Variants in PKHD1L1 observed in about 807,000 individuals in gnomAD.
PKHD1L1 encodes fibrocystin-L.
In PKHD1L1, 434 loss-of-function variants were observed where a neutral mutation model predicts 462.9. The observed-to-expected ratio is 0.94, with a 90% CI of 0.87 to 1.02. PKHD1L1 has a LOEUF of 1.02. Among genes scored for constraint, PKHD1L1 ranks in the 50% least tolerant of loss-of-function variants. The pLI is 0.00. For synonymous variants in PKHD1L1, 1,781 were observed against 1,750.0 expected, an observed-to-expected ratio of 1.02 and a Z score of -0.44; for missense variants, 5,202 against 5,096.1, an observed-to-expected ratio of 1.02 and a Z score of -0.63.
At chr8:109,423,149 C>T (rs549983725) in intron 23 of PKHD1L1, among the ~76,000 whole-genome samples, 1 of 152,148 alleles carries the variant, frequency 6.6e-6, no homozygotes, top group East Asian at 1.9e-4. Flanking sequence ...TTTTATGAGG[C>T]CAAATTTATC....
chr8:109,501,514 C>T (rs751576112), intron 67 of PKHD1L1, among the ~76,000 whole-genome samples: 5 of 152,084 alleles, frequency 3.3e-5, no homozygotes, highest in Non-Finnish European at 5.9e-5. Context: ...AATCTGATGT[C>T]GCCAACTTTA....
At chr8:109,455,555 A>G (rs1251749918) in intron 45 of PKHD1L1, among the ~76,000 whole-genome samples, 1 of 152,178 alleles carries the variant, frequency 6.6e-6, no homozygotes, top group Non-Finnish European at 1.5e-5. Context: ...GACTAAGTCT[A>G]GAAACAGAAG....
intron 77 of PKHD1L1, among the ~76,000 whole-genome samples, chr8:109,527,915 C>A (rs1586673149): frequency 6.6e-6 from 1 of 152,176 alleles, no homozygotes; most frequent in East Asian, 1.9e-4. Flanking sequence ...GGGTCACATG[C>A]CCATTCCTGA....
At position 109,479,991 on chromosome 8, in the gene PKHD1L1, G is replaced by A. The variant is rs1162755036; in HGVS notation, c.9179G>A (p.Gly3060Glu). Reference protein sequence around the residue: ...HPGANVIIPEGTWIVADIDMP... With the variant: ...HPGANVIIPEETWIVADIDMP... ...TATTTCTTAAAGTATTGTTTTATAG[G>A]AACATGGATTGTAGCTGACATAGAT... is the stretch of plus-strand genomic sequence containing the variant. The change falls in exon 55 of 78, where the codon GGA (glycine) becomes GAA (glutamate). Residue 3060 changes from glycine (G) to glutamate (E), a missense_variant and splice_region_variant. By Grantham distance (98) the Gly-to-Glu change is moderately conservative. Transcript: ENST00000378402. 1.3e-6 allele frequency: 2 copies of A among 1,567,210 alleles called. No individual in the cohort carries two copies. The highest frequency in any genetic ancestry group is 8.6e-7 in the Non-Finnish European group (1 of 1,163,468).
chr8:109,464,524 C>T lies in PKHD1L1; in HGVS notation c.7692C>T (p.Val2564=), dbSNP rs372778300. 47 of 1,613,632 alleles carry T rather than the reference C, an allele frequency of 2.9e-5. No homozygotes were observed. The African/African-American group carries it at 6.1e-4, about 21-fold the overall frequency. The change falls in exon 49 of 78, where the codon GTC becomes GTT. Residue 2564 remains valine (V), a synonymous_variant. Transcript: ENST00000378402. The part of the protein sequence containing the change: ...NDDVTPAAFW[V]TNPNNTIRHN... ...ATGTGACCCCGGCTGCATTTTGGGT[C>T]ACCAACCCGAACAATACCATACGAC...
Position 109,419,143 on chromosome 8 carries a change from T to TACACTGGGAC in PKHD1L1, c.2409_2418dup (p.Asn807HisfsTer11). 1 of 1,613,636 alleles carries TACACTGGGAC rather than the reference T, an allele frequency of 6.2e-7. No individual in the cohort carries two copies. The highest frequency in any genetic ancestry group is 8.5e-7 in the Non-Finnish European group (1 of 1,179,636). On this transcript the variant is annotated frameshift_variant, in exon 22 of 78. Coordinates refer to ENST00000378402, the MANE Select transcript of PKHD1L1 (RefSeq NM_177531.6). LOFTEE classifies it high-confidence loss of function. ...CCTTCTGGATCTCGTAAGAACGAAA[T>TACACTGGGAC]ACACTGGGACAAATGTTTCTCTTCA... is the stretch of plus-strand genomic sequence containing the variant.
chr8:109,486,968 C>G, intron 59 of PKHD1L1, 147 bp downstream of exon 59: 1 of 759,786 alleles, frequency 1.3e-6, no homozygotes, highest in South Asian at 2.3e-5. Context: ...CAGTTTTTAC[C>G]TTCCAAGTAA....
Position 109,468,822 on chromosome 8 carries a change from G to A in PKHD1L1, c.8605+2053G>A, listed in dbSNP as rs527496787. On this transcript the variant is annotated intron_variant, in intron 50 of 77. Coordinates refer to ENST00000378402, the MANE Select transcript of PKHD1L1 (RefSeq NM_177531.6). ...TTATTTTTCTTTCCTTAGTATAATC[G>A]GCCACATATCTCTTTCACTCAGTGG... Among the ~76,000 whole-genome samples the A allele has an allele frequency of 9.2e-5, 14 of 152,192 alleles. No homozygotes were observed. The South Asian group carries it at 1.7e-3, about 18-fold the overall frequency.
intron 46 of PKHD1L1, among the ~76,000 whole-genome samples, chr8:109,457,812 ACTTC>A: frequency 6.6e-6 from 1 of 152,326 alleles, no homozygotes; most frequent in East Asian, 1.9e-4. Context: ...GCTTTTCACA[ACTTC>A]TTTTCTAAAG....
intron 46 of PKHD1L1, among the ~76,000 whole-genome samples, chr8:109,456,881 TAATG>T (rs1816855888): frequency 6.6e-6 from 1 of 152,154 alleles, no homozygotes; most frequent in African/African-American, 2.4e-5. Flanking sequence ...AAATCGTTAA[TAATG>T]AATAAATAAA....
At chr8:109,394,565 G>A (rs1812873953) in intron 10 of PKHD1L1, 80 bp downstream of exon 10, 4 of 922,526 alleles carry the variant, frequency 4.3e-6, no homozygotes, top group African/African-American at 3.4e-5. Flanking sequence ...CAAAGACAAT[G>A]AGTGTAAGGT....
At chr8:109,451,391 G>A (rs1440232546) in intron 41 of PKHD1L1, among the ~76,000 whole-genome samples, 1 of 152,068 alleles carries the variant, frequency 6.6e-6, no homozygotes, top group African/African-American at 2.4e-5. Context: ...TTTTTACCTC[G>A]TTTTATGGTT....
chr8:109,525,539 G>A (rs1307106463), intron 76 of PKHD1L1, among the ~76,000 whole-genome samples: 3 of 152,136 alleles, frequency 2.0e-5, no homozygotes, highest in East Asian at 3.9e-4. Flanking sequence ...AGCTAGAGCT[G>A]GCTAAGATGG....
At chr8:109,455,227 A>G (rs2130799734) in intron 45 of PKHD1L1, among the ~76,000 whole-genome samples, 1 of 152,310 alleles carries the variant, frequency 6.6e-6, no homozygotes, top group Non-Finnish European at 1.5e-5. Flanking sequence ...AAGCCCAGCT[A>G]CTTAGGAGGC....
At chr8:109,467,380 C>T (rs1817500353) in intron 50 of PKHD1L1, among the ~76,000 whole-genome samples, 1 of 151,656 alleles carries the variant, frequency 6.6e-6, no homozygotes, top group South Asian at 2.1e-4. Flanking sequence ...CTCTACATTC[C>T]GCCCCTGCCC....
At chr8:109,425,534 C>T (rs190824753) in intron 24 of PKHD1L1, among the ~76,000 whole-genome samples, 42 of 151,796 alleles carry the variant, frequency 2.8e-4, no homozygotes, top group South Asian at 4.1e-4. Context: ...GATTGTTTTC[C>T]CTTAAAAATA....
chr8:109,454,581 A>G, intron 44 of PKHD1L1, 142 bp from the exon 45 acceptor site: 3 of 1,248,672 alleles, frequency 2.4e-6, no homozygotes, highest in Non-Finnish European at 1.1e-6. Flanking sequence ...TTAAAGGTTT[A>G]TCTTTCAAAA....
At position 109,513,381 on chromosome 8, in the gene PKHD1L1, T is replaced by C. The variant is rs1012784101; in HGVS notation, c.11554-1789T>C. Reference sequence around the variant, plus strand: ...TTATATACTTATTCTTCAATGCTGCTATTACTTATATATATATCAGAAATA... The same window carrying C: ...TTATATACTTATTCTTCAATGCTGCCATTACTTATATATATATCAGAAATA... On this transcript the variant is annotated intron_variant, in intron 71 of 77. Coordinates refer to ENST00000378402, the MANE Select transcript of PKHD1L1 (RefSeq NM_177531.6). Among the ~76,000 whole-genome samples the C allele has an allele frequency of 2.6e-5, 4 of 152,188 alleles. No individual in the cohort carries two copies. The East Asian group carries it at 7.7e-4, about 29-fold the overall frequency.
intron 48 of PKHD1L1, among the ~76,000 whole-genome samples, chr8:109,463,881 A>T (rs1673400): frequency 1.3e-5 from 2 of 152,044 alleles, no homozygotes; most frequent in Admixed American, 6.6e-5. Flanking sequence ...TTATTACATA[A>T]GAAGCAAAGT....
Sources: allele counts gnomAD v4.1 joint callset (sites outside exome capture counted in the v4.1 genomes callset), GRCh38; gene constraint gnomAD v4.1.1; transcripts MANE v1.5; gene names NCBI Gene and HGNC (gene_info 2026-07-23, HGNC 2026-07-21).